Variants in GLRA1 observed in about 807,000 individuals in gnomAD.
GLRA1 encodes glycine receptor alpha 1, also known as glycine receptor subunit alpha-1.
In GLRA1, 37 loss-of-function variants were observed where a neutral mutation model predicts 48.3. That is an observed-to-expected ratio of 0.77 (90% CI 0.59 to 1.01). The LOEUF (loss-of-function observed/expected upper bound fraction) is 1.01. Among genes scored for constraint, GLRA1 ranks in the 50% least tolerant of loss-of-function variants. The pLI is 0.00. For synonymous variants in GLRA1, 196 were observed against 210.7 expected (o/e 0.93, Z 0.60); for missense variants, 427 against 571.0 (o/e 0.75, Z 2.57).
chr5:151,886,615 C>T, intron 3 of GLRA1, 106 bp downstream of exon 3: 1 of 862,724 alleles, frequency 1.2e-6, no homozygotes, highest in South Asian at 1.4e-5. Flanking sequence ...TTGAGAAAAA[C>T]CCAGCTGATT....
chr5:151,833,058 A>G (rs1257469533), intron 7 of GLRA1, among the ~76,000 whole-genome samples: 2 of 152,166 alleles, frequency 1.3e-5, no homozygotes, highest in Non-Finnish European at 2.9e-5. Flanking sequence ...TAAGCTTCAT[A>G]AGCAAAGGAG....
intron 7 of GLRA1, among the ~76,000 whole-genome samples, chr5:151,840,815 T>A (rs956646051): frequency 8.0e-5 from 12 of 150,400 alleles, no homozygotes; most frequent in Non-Finnish European, 1.5e-4. Context: ...AATAAATGAG[T>A]CAATCCATCA....
At chr5:151,884,334 C>A (rs1183769116) in intron 3 of GLRA1, among the ~76,000 whole-genome samples, 1 of 152,092 alleles carries the variant, frequency 6.6e-6, no homozygotes, top group African/African-American at 2.4e-5. Flanking sequence ...GAGGCTGAGG[C>A]ACAAGAATTG....
At chr5:151,831,342 A>G (rs1763417606) in intron 7 of GLRA1, among the ~76,000 whole-genome samples, 1 of 152,132 alleles carries the variant, frequency 6.6e-6, no homozygotes, top group South Asian at 2.1e-4. Flanking sequence ...CAGGGAGCCA[A>G]GTGATTTAGC....
chr5:151,879,311 T>C (rs1365112884), intron 3 of GLRA1, among the ~76,000 whole-genome samples: 1 of 148,164 alleles, frequency 6.7e-6, no homozygotes, highest in Non-Finnish European at 1.5e-5. Context: ...CCATTGTATC[T>C]AGGAAGTAAC....
intron 2 of GLRA1, among the ~76,000 whole-genome samples, chr5:151,887,723 C>A (rs1389632163): frequency 6.6e-6 from 1 of 152,172 alleles, no homozygotes; most frequent in Non-Finnish European, 1.5e-5. Context: ...TGCTCACGAT[C>A]ACACAGACAG....
chr5:151,869,960 C>T (rs1161449980), intron 3 of GLRA1, among the ~76,000 whole-genome samples: 1 of 149,104 alleles, frequency 6.7e-6, no homozygotes, highest in Admixed American at 6.6e-5. Flanking sequence ...TGTATCTTCC[C>T]ATTTAAAAAA....
intron 3 of GLRA1, among the ~76,000 whole-genome samples, chr5:151,871,226 G>C (rs115397972): frequency 1.3e-4 from 19 of 149,364 alleles, no homozygotes; most frequent in Admixed American, 1.1e-3. Flanking sequence ...ATTGGATAAC[G>C]CTGAATAGAC....
In GLRA1 at chr5:151,922,668, C is replaced by T. The variant is rs141868626; in HGVS notation, c.56+1826G>A. On this transcript the variant is annotated intron_variant, in intron 1 of 8. Transcript: ENST00000274576. ...ATGTTTTCTGTTAGGCCACCACCAG[C>T]TTAGTTGAAGAATTAACACAGTGGA... Among the ~76,000 whole-genome samples the T allele has an allele frequency of 2.9e-3, 447 of 152,342 alleles. 2 individuals carry two copies. The Middle Eastern group carries it at 0.031, about 10-fold the overall frequency.
intron 7 of GLRA1, among the ~76,000 whole-genome samples, chr5:151,829,581 C>A (rs1289199609): frequency 6.6e-6 from 1 of 152,180 alleles, no homozygotes; most frequent in Non-Finnish European, 1.5e-5. Context: ...GAACAGCAAG[C>A]TTTGTGGCAG....
intron 1 of GLRA1, among the ~76,000 whole-genome samples, chr5:151,904,194 T>C (rs1481869670): frequency 2.6e-5 from 4 of 152,134 alleles, no homozygotes; most frequent in Non-Finnish European, 5.9e-5. Flanking sequence ...ATAAAGGAGC[T>C]CTAGGGTCGT....
chr5:151,827,326 T>G (rs1483614576), intron 8 of GLRA1, among the ~76,000 whole-genome samples: 1 of 152,186 alleles, frequency 6.6e-6, no homozygotes, highest in Non-Finnish European at 1.5e-5. Flanking sequence ...GATATCTTAA[T>G]TCCCATGGAC....
At chr5:151,892,890 C>A (rs865846575) in intron 1 of GLRA1, among the ~76,000 whole-genome samples, 9 of 152,152 alleles carry the variant, frequency 5.9e-5, no homozygotes, top group Non-Finnish European at 8.8e-5. Flanking sequence ...GAATCAGAGT[C>A]ACAGTTTTTT....
intron 3 of GLRA1, among the ~76,000 whole-genome samples, chr5:151,865,800 C>T (rs1030803536): frequency 2.6e-5 from 4 of 152,190 alleles, no homozygotes; most frequent in South Asian, 2.1e-4. Context: ...ACCTTGGTGT[C>T]CTCAGGCAGC....
Position 151,828,911 on chromosome 5 carries a change from A to G in GLRA1, c.1059+10T>C. ...GCTGTCCCTCCTTAGGCAGTGACCC[A>G]AAGGCCTACCTTGTGATGTCTCCGC... is the stretch of plus-strand genomic sequence containing the variant. On this transcript the variant is annotated intron_variant, in intron 8 of 8. Transcript: ENST00000274576. The G allele has an allele frequency of 1.2e-6, 2 of 1,613,254 alleles. No individual in the cohort carries two copies. The highest frequency in any genetic ancestry group is 1.7e-6 in the Non-Finnish European group (2 of 1,179,334).
At chr5:151,892,968 C>T (rs180821685) in intron 1 of GLRA1, among the ~76,000 whole-genome samples, 2 of 152,276 alleles carry the variant, frequency 1.3e-5, no homozygotes, top group African/African-American at 4.8e-5. Flanking sequence ...CTCAAGTCTC[C>T]TCAGAAGCTT....
At chr5:151,892,107 G>A (rs549009584) in intron 2 of GLRA1, among the ~76,000 whole-genome samples, 1 of 152,174 alleles carries the variant, frequency 6.6e-6, no homozygotes, top group Non-Finnish European at 1.5e-5. Context: ...GAAACCAGAG[G>A]TGCTGTTAAA....
intron 7 of GLRA1, among the ~76,000 whole-genome samples, chr5:151,843,256 A>ATTT (rs34491994): frequency 8.6e-4 from 104 of 120,756 alleles, no homozygotes; most frequent in East Asian, 3.3e-3. Context: ...CTGCTTCTAA[A>ATTT]TTTTTTTTTT....
chr5:151,849,506 TTTC>T lies in GLRA1; in HGVS notation c.912+1881_912+1883del, dbSNP rs1752841358. Among the ~76,000 whole-genome samples, 2 of 120,406 alleles carry T rather than the reference TTTC, an allele frequency of 1.7e-5. 1 individual carries two copies. Among genetic ancestry groups the T allele is most frequent in the Non-Finnish European group, 3.3e-5 (2 of 59,784 alleles). 79.0% of individuals were successfully genotyped at this position (120,406 alleles called of 152,430 possible). On this transcript the variant is annotated intron_variant, in intron 7 of 8. Transcript: ENST00000274576. ...TTCCTTCCTTCCTTTCTTTTCTTTC[TTTC>T]TTTCTTTCTTTTTTTCTTTCTTTCT...
Sources: gnomAD v4.1 joint callset for allele counts (sites outside exome capture counted in the v4.1 genomes callset) on GRCh38, gnomAD v4.1.1 for gene constraint, MANE v1.5 for transcripts, NCBI Gene and HGNC (gene_info 2026-07-23, HGNC 2026-07-21) for gene names.